Variants in AMOTL1 observed in about 807,000 individuals in gnomAD.
AMOTL1 encodes the protein angiomotin-like protein 1.
Under a neutral mutation model 102.9 loss-of-function variants are expected in AMOTL1, and 45 were observed. The observed-to-expected ratio is 0.44, with a 90% CI of 0.34 to 0.56. The LOEUF (loss-of-function observed/expected upper bound fraction) is 0.56, where lower values mean the gene tolerates loss of function less well. AMOTL1 is among the 20% of genes least tolerant of loss of function. The pLI, the probability that AMOTL1 is intolerant of heterozygous loss-of-function variation, is 0.01. For synonymous variants in AMOTL1, 481 were observed against 484.7 expected, an observed-to-expected ratio of 0.99 and a Z score of 0.10; for missense variants, 1,114 against 1,225.6, an observed-to-expected ratio of 0.91 and a Z score of 1.36.
intron 1 of AMOTL1, among the ~76,000 whole-genome samples, chr11:94,782,587 A>G (rs1209697399): frequency 2.0e-5 from 3 of 152,244 alleles, no homozygotes; most frequent in East Asian, 3.8e-4. Flanking sequence ...GTAATACAGT[A>G]CAGAGGAGTA....
At chr11:94,744,720 A>G (rs964670214) in intron 3 of AMOTL1, among the ~76,000 whole-genome samples, 1 of 152,212 alleles carries the variant, frequency 6.6e-6, no homozygotes, top group Non-Finnish European at 1.5e-5. Flanking sequence ...CTAAACAGTC[A>G]TGGAGTTTAA....
intron 6 of AMOTL1, among the ~76,000 whole-genome samples, chr11:94,842,675 G>A (rs1168963251): frequency 6.6e-6 from 1 of 152,140 alleles, no homozygotes; most frequent in Non-Finnish European, 1.5e-5. Context: ...CTTTTGTAAT[G>A]ACTAAACTAG....
At chr11:94,712,363 G>T (rs969357860) in intron 1 of AMOTL1, among the ~76,000 whole-genome samples, 6 of 152,010 alleles carry the variant, frequency 3.9e-5, no homozygotes, top group South Asian at 2.1e-4. Flanking sequence ...ATGAATTAAA[G>T]ATTTAAATGT....
At chr11:94,719,562 G>A (rs1337421788) in intron 1 of AMOTL1, among the ~76,000 whole-genome samples, 9 of 105,224 alleles carry the variant, frequency 8.6e-5, no homozygotes, top group South Asian at 8.7e-4. Context: ...AAGCCAGAGC[G>A]AAAATGTGTG....
intron 2 of AMOTL1, among the ~76,000 whole-genome samples, chr11:94,737,165 A>G (rs143521255): frequency 6.6e-6 from 1 of 152,228 alleles, no homozygotes; most frequent in East Asian, 1.9e-4. Context: ...GTCCATTGTG[A>G]GAACAGTTTG....
At position 94,821,854 on chromosome 11, in the gene AMOTL1, C is replaced by T. The variant is rs755609546; in HGVS notation, c.1413+33C>T. On this transcript the variant is annotated intron_variant, in intron 4 of 12. Transcript: ENST00000433060. Reference sequence around the variant, plus strand: ...ACTTCCCTGGGGAATGGGAGGGAGACAAATTCTTTACCTGGTCATGGGGAG... The same window carrying T: ...ACTTCCCTGGGGAATGGGAGGGAGATAAATTCTTTACCTGGTCATGGGGAG... 32 of 1,602,702 alleles carry T rather than the reference C, an allele frequency of 2.0e-5. No individual in the cohort carries two copies. In the South Asian group the frequency reaches 2.4e-4, roughly 12 times the overall value.
chr11:94,756,922 C>G (rs1383213976), intron 3 of AMOTL1, among the ~76,000 whole-genome samples: 1 of 152,004 alleles, frequency 6.6e-6, no homozygotes, highest in Non-Finnish European at 1.5e-5. Flanking sequence ...GAGTTTATAT[C>G]AATCAGTTAA....
intron 6 of AMOTL1, among the ~76,000 whole-genome samples, chr11:94,843,539 A>G (rs1952349086): frequency 6.6e-6 from 1 of 152,226 alleles, no homozygotes; most frequent in African/African-American, 2.4e-5. Flanking sequence ...ATCAACAAGG[A>G]CTTTCTAATA....
chr11:94,851,164 T>G (rs1202944657), intron 7 of AMOTL1, among the ~76,000 whole-genome samples: 1 of 152,162 alleles, frequency 6.6e-6, no homozygotes, highest in Non-Finnish European at 1.5e-5. Flanking sequence ...AAGGAACGTA[T>G]TAAATATGAA....
chr11:94,849,083 A>G (rs1952478808), intron 6 of AMOTL1, among the ~76,000 whole-genome samples: 1 of 152,108 alleles, frequency 6.6e-6, no homozygotes, highest in Admixed American at 6.5e-5. Context: ...TGCTGCTACT[A>G]TTGTCATTCT....
At chr11:94,848,987 C>T (rs953693515) in intron 6 of AMOTL1, among the ~76,000 whole-genome samples, 2 of 152,152 alleles carry the variant, frequency 1.3e-5, no homozygotes, top group Non-Finnish European at 2.9e-5. Context: ...CTCTATGGTT[C>T]AGTGTGGGTT....
chr11:94,772,598 C>T (rs1004752503), intron 1 of AMOTL1, among the ~76,000 whole-genome samples: 1 of 152,192 alleles, frequency 6.6e-6, no homozygotes, highest in African/African-American at 2.4e-5. Flanking sequence ...TATGGATGTA[C>T]TATGGTTTGT....
At position 94,821,808 on chromosome 11, in the gene AMOTL1, A is replaced by C. The variant is rs1433406162; in HGVS notation, c.1400A>C (p.Asp467Ala). 6.2e-7 allele frequency: 1 copy of C among 1,613,870 alleles called. No individual in the cohort carries two copies. Among genetic ancestry groups the C allele is most frequent in the African/African-American group, 1.3e-5 (1 of 75,052 alleles). The stretch of plus-strand genomic sequence containing the variant: ...CTTCAGGGTTACTACGACAATGCCG[A>C]CAAGCTCCACAAGGTGCGTGACTTC... ...QELQGYYDNA[D>A]KLHKFEKELQ... Residue 467 changes from aspartate to alanine, a missense_variant, in exon 4 of 13, where the codon GAC becomes GCC. By Grantham distance (126) the Asp-to-Ala change is moderately radical. Coordinates refer to ENST00000433060, the MANE Select transcript of AMOTL1 (RefSeq NM_130847.3).
chr11:94,774,700 C>G (rs1424092934), intron 1 of AMOTL1, among the ~76,000 whole-genome samples: 1 of 152,174 alleles, frequency 6.6e-6, no homozygotes, highest in African/African-American at 2.4e-5. Context: ...TAAGACTTTG[C>G]ATTTCTAACA....
chr11:94,813,617 G>A (rs1442554903), intron 3 of AMOTL1, among the ~76,000 whole-genome samples: 2 of 152,102 alleles, frequency 1.3e-5, no homozygotes, highest in African/African-American at 4.8e-5. Context: ...TAGACACAAA[G>A]CATTTCTGCA....
At chr11:94,755,476 G>C (rs1189703238) in intron 3 of AMOTL1, among the ~76,000 whole-genome samples, 1 of 152,162 alleles carries the variant, frequency 6.6e-6, no homozygotes, top group Non-Finnish European at 1.5e-5. Context: ...CCTGCTTCCT[G>C]AGAAAACCTG....
chr11:94,861,131 A>T (rs984300434), intron 9 of AMOTL1, among the ~76,000 whole-genome samples: 2 of 152,038 alleles, frequency 1.3e-5, no homozygotes, highest in Non-Finnish European at 2.9e-5. Flanking sequence ...CTACACTTTG[A>T]TGGGAAGCAG....
intron 12 of AMOTL1, 55 bp downstream of exon 12, chr11:94,869,528 A>G (rs1364148890): frequency 3.3e-6 from 5 of 1,505,194 alleles, no homozygotes; most frequent in Non-Finnish European, 4.5e-6. Flanking sequence ...TGTCTGGCCT[A>G]AGAGAATCTT....
chr11:94,762,907 C>T lies in AMOTL1; in HGVS notation c.136+21919C>T, dbSNP rs147920484. 8.4e-3 allele frequency among the ~76,000 whole-genome samples: 1,275 copies of T among 152,230 alleles called. 16 individuals carry two copies. Among genetic ancestry groups the T allele is most frequent in the African/African-American group, 0.029 (1,198 of 41,520 alleles). On this transcript the variant is annotated intron_variant, in intron 3 of 4. Transcript: ENST00000299004. ...TATGGGTGTGAAACGAAAAACATCC[C>T]GACAAACAGGCCTCAGATCTATAAC... is the stretch of plus-strand genomic sequence containing the variant.
Sources: gnomAD v4.1 joint callset for allele counts (sites outside exome capture counted in the v4.1 genomes callset) on GRCh38, gnomAD v4.1.1 for gene constraint, MANE v1.5 for transcripts, NCBI Gene and HGNC (gene_info 2026-07-23, HGNC 2026-07-21) for gene names.